The following PARD3 variants were observed in gnomAD, a reference collection of about 807,000 sequenced individuals.
PARD3 encodes the protein partitioning defective 3 homolog.
In PARD3, 75 loss-of-function variants were observed where a neutral mutation model predicts 155.4. The ratio of observed to expected loss-of-function variants is 0.48; its 90% CI spans 0.40 to 0.58. The LOEUF is 0.58. PARD3 is among the 20% of genes least tolerant of loss of function. PARD3 has a pLI of 0.00. For missense variants in PARD3, 1,642 were observed against 1,721.7 expected (o/e 0.95, Z 0.82); for synonymous variants, 576 against 610.5 (o/e 0.94, Z 0.83).
At chr10:34,257,196 A>T (rs1465427194) in intron 22 of PARD3, among the ~76,000 whole-genome samples, 1 of 152,266 alleles carries the variant, frequency 6.6e-6, no homozygotes, top group Non-Finnish European at 1.5e-5. Flanking sequence ...TTGCGGATTT[A>T]GGGCTCGATA....
chr10:34,407,420 C>T (rs191001073), intron 5 of PARD3, among the ~76,000 whole-genome samples: 9 of 152,176 alleles, frequency 5.9e-5, no homozygotes, highest in Non-Finnish European at 1.3e-4. Flanking sequence ...ACAGCGCAGG[C>T]GTGTTGACTC....
rs182813321 is a variant in PARD3 at position 34,749,152 on chromosome 10, T to C, written c.121-52733A>G. The stretch of plus-strand genomic sequence containing the variant: ...TGCTTTTATTTTCCCTTTATCTGTT[T>C]CCAAAATTGTAAATATAGCAGTCAC... On this transcript the variant is annotated intron_variant, in intron 1 of 24. Transcript: ENST00000374788. Among the ~76,000 whole-genome samples the C allele has an allele frequency of 4.0e-3, 608 of 152,332 alleles. 3 individuals are homozygous for C. The highest frequency in any genetic ancestry group is 0.014 in the African/African-American group (564 of 41,564).
At chr10:34,691,961 G>T (rs938118145) in intron 2 of PARD3, among the ~76,000 whole-genome samples, 2 of 152,238 alleles carry the variant, frequency 1.3e-5, no homozygotes, top group Non-Finnish European at 2.9e-5. Context: ...GGCTGGGCAT[G>T]GTGGCCCACG....
intron 5 of PARD3, among the ~76,000 whole-genome samples, chr10:34,448,114 AG>A (rs1242791169): frequency 6.6e-6 from 1 of 150,518 alleles, no homozygotes; most frequent in African/African-American, 2.5e-5. Context: ...GAATGGATAA[AG>A]AAAATGTGAT....
intron 2 of PARD3, among the ~76,000 whole-genome samples, chr10:34,660,400 TA>T (rs2093291729): frequency 6.6e-6 from 1 of 152,196 alleles, no homozygotes; most frequent in African/African-American, 2.4e-5. Context: ...AGGGGCAATT[TA>T]AAAGTTAGAA....
intron 24 of PARD3, among the ~76,000 whole-genome samples, chr10:34,111,940 A>G (rs780894171): frequency 1.2e-4 from 18 of 152,238 alleles, no homozygotes; most frequent in Non-Finnish European, 2.5e-4. Context: ...CATGGTAGGA[A>G]TAATTGCTCG....
chr10:34,359,174 A>G lies in PARD3; in HGVS notation c.2040T>C (p.Val680=), dbSNP rs1310620138. Residue 680 remains valine (V), a synonymous_variant, in exon 14 of 25, where the codon GTT becomes GTC. Coordinates refer to ENST00000374788, the MANE Select transcript of PARD3 (RefSeq NM_001184785.2). ...GNKRGMIQLI[V]ARRISKCNEL... ...CATTGCACTTGCTTATTCTCCTTGCAACAATAAGCTGGATCATTCCTCGTT... is the reference window on the plus strand; with the variant it reads ...CATTGCACTTGCTTATTCTCCTTGCGACAATAAGCTGGATCATTCCTCGTT... The G allele has an allele frequency of 1.2e-6, 2 of 1,613,470 alleles. No homozygotes were observed. The highest frequency in any genetic ancestry group is 2.2e-5 in the East Asian group (1 of 44,858).
At chr10:34,332,701 T>G (rs746116611) in intron 18 of PARD3, among the ~76,000 whole-genome samples, 20 of 152,314 alleles carry the variant, frequency 1.3e-4, no homozygotes, top group Non-Finnish European at 2.6e-4. Context: ...AGAAATAATA[T>G]TCCACAAATT....
At chr10:34,802,259 C>G (rs1842892336) in intron 1 of PARD3, among the ~76,000 whole-genome samples, 1 of 151,596 alleles carries the variant, frequency 6.6e-6, no homozygotes, top group African/African-American at 2.4e-5. Context: ...TACATACTAA[C>G]ACTGGAATTT....
chr10:34,727,886 AC>A (rs2094746343), intron 1 of PARD3, among the ~76,000 whole-genome samples: 1 of 86,170 alleles, frequency 1.2e-5, no homozygotes, highest in African/African-American at 3.2e-5. Context: ...CGCCACACAC[AC>A]ACACACACAC....
rs866028617 is a variant in PARD3 at position 34,562,152 on chromosome 10, A to G, written c.223-44993T>C. 1.8e-4 allele frequency among the ~76,000 whole-genome samples: 23 copies of G among 125,112 alleles called. No individual in the cohort carries two copies. The South Asian group carries it at 5.0e-3, about 27-fold the overall frequency. 82.1% of individuals were successfully genotyped at this position (125,112 alleles called of 152,430 possible). ...AAAAAAAAAAAAAAAAAAAAAAAAA[A>G]GGCTTGTTGGGGGGTGGCTCATGCC... On this transcript the variant is annotated intron_variant, in intron 2 of 24. Transcript: ENST00000374788.
intron 1 of PARD3, among the ~76,000 whole-genome samples, chr10:34,810,094 A>T (rs1282676377): frequency 1.3e-5 from 2 of 152,182 alleles, no homozygotes; most frequent in Non-Finnish European, 2.9e-5. Context: ...TCAACTTTTT[A>T]AAAAATACAG....
At chr10:34,341,119 C>T (rs1425923196) in intron 16 of PARD3, among the ~76,000 whole-genome samples, 1 of 150,700 alleles carries the variant, frequency 6.6e-6, no homozygotes, top group Non-Finnish European at 1.5e-5. Flanking sequence ...GCAGGGAGTG[C>T]CCCAGAAGTC....
chr10:34,689,207 C>T (rs1031363575), intron 2 of PARD3, among the ~76,000 whole-genome samples: 1 of 152,164 alleles, frequency 6.6e-6, no homozygotes, highest in Non-Finnish European at 1.5e-5. Flanking sequence ...GGAGCAGCTG[C>T]CAAAAATAGT....
At chr10:34,332,816 G>A (rs1020691746) in intron 18 of PARD3, among the ~76,000 whole-genome samples, 4 of 152,102 alleles carry the variant, frequency 2.6e-5, no homozygotes, top group African/African-American at 9.7e-5. Flanking sequence ...TTCTTTGAAT[G>A]AGATCCATCT....
chr10:34,225,451 T>C (rs1035275679), intron 22 of PARD3, among the ~76,000 whole-genome samples: 4 of 152,076 alleles, frequency 2.6e-5, no homozygotes, highest in Non-Finnish European at 5.9e-5. Context: ...GTTCAAGTGA[T>C]TCCCTTGCCT....
At chr10:34,517,198 C>T (rs757825254) in intron 2 of PARD3, 39 bp from the exon 3 acceptor site, 3 of 1,575,788 alleles carry the variant, frequency 1.9e-6, no homozygotes, top group Non-Finnish European at 2.6e-6. Flanking sequence ...TAAATAAAGG[C>T]ACTTAATTAA....
chr10:34,527,634 A>G (rs1039968329), intron 2 of PARD3, among the ~76,000 whole-genome samples: 8 of 152,238 alleles, frequency 5.3e-5, no homozygotes, highest in Non-Finnish European at 1.0e-4. Flanking sequence ...GTTCTGAATG[A>G]AAGTCCAGGT....
At chr10:34,311,888 C>A (rs775067841) in intron 20 of PARD3, among the ~76,000 whole-genome samples, 1 of 152,160 alleles carries the variant, frequency 6.6e-6, no homozygotes, top group African/African-American at 2.4e-5. Context: ...ACTGTACCAG[C>A]CCACACACCT....
Sources: allele counts gnomAD v4.1 joint callset (sites outside exome capture counted in the v4.1 genomes callset), GRCh38; gene constraint gnomAD v4.1.1; transcripts MANE v1.5; gene names NCBI Gene and HGNC (gene_info 2026-07-23, HGNC 2026-07-21).